Variants in EFHC2 observed in about 807,000 individuals in gnomAD.
EFHC2 encodes the protein EF-hand domain-containing family member C2.
A neutral mutation model predicts 52.7 loss-of-function variants in EFHC2; 18 were observed. The ratio of observed to expected loss-of-function variants is 0.34; its 90% CI spans 0.24 to 0.51. The LOEUF is 0.51. Among genes scored for constraint, EFHC2 ranks in the 20% least tolerant of loss-of-function variants. EFHC2 has a pLI of 0.97. For missense variants in EFHC2, 513 were observed against 562.5 expected, an observed-to-expected ratio of 0.91 and a Z score of 0.89; for synonymous variants, 203 against 204.1, an observed-to-expected ratio of 0.99 and a Z score of 0.04.
intron 2 of EFHC2, among the ~76,000 whole-genome samples, chrX:44,279,555 G>C (rs888955717): frequency 1.8e-5 from 2 of 111,008 alleles, no homozygotes; most frequent in African/African-American, 6.5e-5. Flanking sequence ...GCATGACAGA[G>C]ATGCAATTAT....
intron 2 of EFHC2, among the ~76,000 whole-genome samples, chrX:44,282,672 G>GA (rs2037714686): frequency 4.0e-5 from 1 of 25,230 alleles, no homozygotes; most frequent in Admixed American, 5.0e-4. Context: ...GGAGGACAAA[G>GA]AAAAAAACAA....
At chrX:44,155,296 A>G (rs773994767) in intron 14 of EFHC2, among the ~76,000 whole-genome samples, 1 of 112,006 alleles carries the variant, frequency 8.9e-6, no homozygotes, top group South Asian at 3.7e-4. Context: ...TGGTGAAAAA[A>G]TGTAGCTGCC....
At chrX:44,253,561 C>T (rs763630809) in intron 4 of EFHC2, among the ~76,000 whole-genome samples, 1 of 111,795 alleles carries the variant, frequency 8.9e-6, no homozygotes, top group Non-Finnish European at 1.9e-5. Flanking sequence ...TGTAGCCAGA[C>T]TACCTCTCTA....
chrX:44,251,617 A>G (rs2037449169), intron 4 of EFHC2, among the ~76,000 whole-genome samples: 1 of 51,119 alleles, frequency 2.0e-5, no homozygotes, highest in Non-Finnish European at 3.3e-5. Flanking sequence ...AAAAAAAAAA[A>G]AAAAAAAAAA....
chrX:44,319,089 C>T lies in EFHC2; in HGVS notation c.43-6333G>A, dbSNP rs773008014. The stretch of plus-strand genomic sequence containing the variant: ...CGTGATCCCAGCTCACTGCAACCTC[C>T]ACCTCCCAGGTTCAAGCAATTCTCC... On this transcript the variant is annotated intron_variant, in intron 1 of 14. Transcript: ENST00000420999. Among the ~76,000 whole-genome samples, 5 of 107,679 alleles carry T rather than the reference C, an allele frequency of 4.6e-5. No individual in the cohort carries two copies. The East Asian group carries it at 1.2e-3, about 25-fold the overall frequency. 93.5% of individuals were successfully genotyped at this position (107,679 alleles called of 115,157 possible).
intron 11 of EFHC2, among the ~76,000 whole-genome samples, chrX:44,179,771 A>G (rs2036819645): frequency 8.9e-6 from 1 of 112,441 alleles, no homozygotes; most frequent in African/African-American, 3.2e-5. Flanking sequence ...GCTATATGGA[A>G]AACACTGTAA....
intron 1 of EFHC2, among the ~76,000 whole-genome samples, chrX:44,315,651 C>T (rs2037978562): frequency 9.1e-6 from 1 of 110,415 alleles, no homozygotes; most frequent in South Asian, 3.9e-4. Context: ...TGACTAGAGC[C>T]ATACACTGAT....
intron 1 of EFHC2, among the ~76,000 whole-genome samples, chrX:44,338,511 CA>C (rs1205924442): frequency 7.5e-4 from 73 of 97,285 alleles, no homozygotes; most frequent in Admixed American, 1.0e-3. Flanking sequence ...GACCCTATCG[CA>C]AAAAAAAAAA....
At chrX:44,316,155 CCA>C (rs2037981726) in intron 1 of EFHC2, among the ~76,000 whole-genome samples, 1 of 111,880 alleles carries the variant, frequency 8.9e-6, no homozygotes, top group South Asian at 3.7e-4. Context: ...CCCCAGAATT[CCA>C]CAATTTGTTC....
chrX:44,253,419 C>G (rs1214087112), intron 4 of EFHC2, among the ~76,000 whole-genome samples: 1 of 111,064 alleles, frequency 9.0e-6, no homozygotes. Context: ...CGATCTGGGA[C>G]GCTGGAGCTT....
At chrX:44,303,521 C>T (rs2037882869) in intron 2 of EFHC2, among the ~76,000 whole-genome samples, 1 of 110,261 alleles carries the variant, frequency 9.1e-6, no homozygotes, top group Non-Finnish European at 1.9e-5. Context: ...TAACACAAGC[C>T]CAAATCCTAT....
intron 4 of EFHC2, among the ~76,000 whole-genome samples, chrX:44,253,087 A>T (rs760416724): frequency 8.1e-5 from 9 of 111,409 alleles, no homozygotes; most frequent in Non-Finnish European, 1.1e-4. Flanking sequence ...TGTGAGGAAC[A>T]GTGTACTCTG....
chrX:44,266,448 T>G (rs1348022023), intron 3 of EFHC2, among the ~76,000 whole-genome samples: 1 of 110,395 alleles, frequency 9.1e-6, no homozygotes, highest in Non-Finnish European at 1.9e-5. Flanking sequence ...GCAATTCTCC[T>G]GTCTTAGCCT....
chrX:44,333,530 C>T (rs73198109), intron 1 of EFHC2, among the ~76,000 whole-genome samples: 10,095 of 110,906 alleles, frequency 0.091, 453 homozygotes, highest in Non-Finnish European at 0.14. Context: ...TTCTTGGTAT[C>T]CTTCGCAATA....
intron 13 of EFHC2, among the ~76,000 whole-genome samples, chrX:44,168,101 G>A (rs2036711279): frequency 1.8e-5 from 2 of 111,631 alleles, no homozygotes; most frequent in Admixed American, 1.9e-4. Context: ...AAATGTCCCT[G>A]TCAGTGGGGA....
At chrX:44,252,139 G>A (rs1456756586) in intron 4 of EFHC2, among the ~76,000 whole-genome samples, 1 of 111,655 alleles carries the variant, frequency 9.0e-6, no homozygotes, top group East Asian at 2.8e-4. Flanking sequence ...CTTAAGGTCT[G>A]CAGAGCCTCT....
At chrX:44,164,531 G>A (rs1413708517) in intron 13 of EFHC2, among the ~76,000 whole-genome samples, 1 of 111,786 alleles carries the variant, frequency 8.9e-6, no homozygotes, top group Non-Finnish European at 1.9e-5. Context: ...GCCATTAAAA[G>A]GGGTTATTTA....
At chrX:44,189,052 G>A (rs1355722616) in intron 11 of EFHC2, among the ~76,000 whole-genome samples, 2 of 105,396 alleles carry the variant, frequency 1.9e-5, no homozygotes, top group African/African-American at 3.5e-5. Context: ...CCCGGGAGGC[G>A]GAGGTTGCAG....
At chrX:44,157,797 T>G (rs1214548952) in intron 14 of EFHC2, among the ~76,000 whole-genome samples, 1 of 90,219 alleles carries the variant, frequency 1.1e-5, no homozygotes, top group African/African-American at 4.6e-5. Flanking sequence ...AGTCCCTTTA[T>G]CAAATCCATC....
Sources: allele counts gnomAD v4.1 joint callset (sites outside exome capture counted in the v4.1 genomes callset), GRCh38; gene constraint gnomAD v4.1.1; transcripts MANE v1.5; gene names NCBI Gene and HGNC (gene_info 2026-07-23, HGNC 2026-07-21).